The following PDSS2 variants were observed in gnomAD, a reference collection of about 807,000 sequenced individuals.
PDSS2 encodes all trans-polyprenyl-diphosphate synthase PDSS2.
In PDSS2, 31 loss-of-function variants were observed where a neutral mutation model predicts 44.5. That is an observed-to-expected ratio of 0.70 (90% CI 0.52 to 0.94). The LOEUF (loss-of-function observed/expected upper bound fraction) is 0.94, where lower values mean the gene tolerates loss of function less well. Among genes scored for constraint, PDSS2 ranks in the 40% least tolerant of loss-of-function variants. The pLI, the probability that PDSS2 is intolerant of heterozygous loss-of-function variation, is 0.00. For missense variants in PDSS2, 452 were observed against 482.2 expected (o/e 0.94, Z 0.59); for synonymous variants, 157 against 180.3 (o/e 0.87, Z 1.03).
At chr6:107,452,847 A>C (rs1375068294) in intron 1 of PDSS2, among the ~76,000 whole-genome samples, 1 of 151,722 alleles carries the variant, frequency 6.6e-6, no homozygotes, top group Non-Finnish European at 1.5e-5. Context: ...TTGTATTTCT[A>C]GTAGAGATGG....
chr6:107,413,164 AT>A (rs1175820356), intron 1 of PDSS2, among the ~76,000 whole-genome samples: 2 of 152,160 alleles, frequency 1.3e-5, no homozygotes, highest in Non-Finnish European at 2.9e-5. Context: ...TTTTTGTAGT[AT>A]TTTTTATTAG....
intron 6 of PDSS2, among the ~76,000 whole-genome samples, chr6:107,203,969 A>C (rs1772881222): frequency 6.7e-6 from 1 of 150,002 alleles, no homozygotes; most frequent in Non-Finnish European, 1.5e-5. Context: ...TTTGAGACAG[A>C]GTCTCACTCT....
At chr6:107,350,465 A>G (rs1187459969) in intron 1 of PDSS2, among the ~76,000 whole-genome samples, 1 of 152,236 alleles carries the variant, frequency 6.6e-6, no homozygotes, top group African/African-American at 2.4e-5. Context: ...TTCTTAAATG[A>G]ATAAATATAA....
intron 1 of PDSS2, among the ~76,000 whole-genome samples, chr6:107,416,874 A>C (rs1427670520): frequency 1.3e-5 from 2 of 152,094 alleles, no homozygotes; most frequent in Admixed American, 1.3e-4. Flanking sequence ...CTGTAGAGAA[A>C]ATAGAAGAAC....
intron 1 of PDSS2, among the ~76,000 whole-genome samples, chr6:107,442,318 G>A (rs541769193): frequency 6.6e-6 from 1 of 152,312 alleles, no homozygotes; most frequent in African/African-American, 2.4e-5. Flanking sequence ...TCGGGAGGCT[G>A]AGGCAGGAGA....
intron 1 of PDSS2, among the ~76,000 whole-genome samples, chr6:107,345,048 A>C (rs1018438528): frequency 6.6e-6 from 1 of 152,022 alleles, no homozygotes; most frequent in African/African-American, 2.4e-5. Flanking sequence ...AGGGGGTAGA[A>C]AAATTGAGTG....
At chr6:107,444,683 G>A (rs916419119) in intron 1 of PDSS2, among the ~76,000 whole-genome samples, 6 of 152,122 alleles carry the variant, frequency 3.9e-5, no homozygotes, top group Non-Finnish European at 8.8e-5. Flanking sequence ...CATAAACATG[G>A]AAGAGACTAA....
At chr6:107,170,618 CCA>C (rs201746363) in intron 7 of PDSS2, among the ~76,000 whole-genome samples, 37,631 of 108,016 alleles carry the variant, frequency 0.35, 6,147 homozygotes, top group Non-Finnish European at 0.41. Flanking sequence ...CCCCCCCCCC[CCA>C]CTTTTTTTTT....
chr6:107,385,291 G>T (rs977265724), intron 1 of PDSS2, among the ~76,000 whole-genome samples: 3 of 151,538 alleles, frequency 2.0e-5, no homozygotes, highest in Non-Finnish European at 4.4e-5. Context: ...TTGAGCCCAG[G>T]AGTTTGAATC....
chr6:107,376,186 C>G, intron 1 of PDSS2, among the ~76,000 whole-genome samples: 1 of 152,058 alleles, frequency 6.6e-6, no homozygotes. Context: ...AGTTTGAAGT[C>G]AGGTAGTGTG....
chr6:107,207,608 CTT>C (rs777686277), intron 6 of PDSS2, among the ~76,000 whole-genome samples: 39 of 110,376 alleles, frequency 3.5e-4, no homozygotes, highest in African/African-American at 9.0e-4. Context: ...AGTAAAGTGT[CTT>C]TTTTTTTTTT....
intron 1 of PDSS2, among the ~76,000 whole-genome samples, chr6:107,430,408 A>G (rs971582561): frequency 6.6e-6 from 1 of 151,996 alleles, no homozygotes; most frequent in Non-Finnish European, 1.5e-5. Flanking sequence ...GCTGAGGCAC[A>G]ATAATCACTC....
intron 1 of PDSS2, among the ~76,000 whole-genome samples, chr6:107,381,254 A>T (rs961953977): frequency 1.3e-5 from 2 of 152,224 alleles, no homozygotes; most frequent in Admixed American, 6.5e-5. Context: ...AAAGGAGCCA[A>T]ATCCAGCCCA....
At chr6:107,393,980 G>A (rs531299317) in intron 1 of PDSS2, among the ~76,000 whole-genome samples, 13 of 152,300 alleles carry the variant, frequency 8.5e-5, no homozygotes, top group African/African-American at 2.9e-4. Context: ...ACAGCCAAGA[G>A]TTTCTTGCTT....
chr6:107,355,182 G>C (rs1449123970), intron 1 of PDSS2, among the ~76,000 whole-genome samples: 1 of 152,160 alleles, frequency 6.6e-6, no homozygotes, highest in Non-Finnish European at 1.5e-5. Context: ...GCCTCCCAAA[G>C]TGCTGGGATT....
chr6:107,396,678 C>CTTTTTTTTT (rs950671310), intron 1 of PDSS2, among the ~76,000 whole-genome samples: 227 of 79,290 alleles, frequency 2.9e-3, no homozygotes, highest in African/African-American at 5.9e-3. Context: ...CTTCTTTTTT[C>CTTTTTTTTT]TTTTTTTTTT....
chr6:107,206,370 C>G (rs1370944535), intron 6 of PDSS2, among the ~76,000 whole-genome samples: 3 of 152,196 alleles, frequency 2.0e-5, no homozygotes, highest in Non-Finnish European at 2.9e-5. Context: ...CCATGCCCGG[C>G]CTGTTTCTAA....
At chr6:107,330,461 C>A (rs1157932398) in intron 2 of PDSS2, among the ~76,000 whole-genome samples, 1 of 152,118 alleles carries the variant, frequency 6.6e-6, no homozygotes, top group Admixed American at 6.6e-5. Flanking sequence ...CTGTGGTCTG[C>A]TTTTAACTAC....
At chr6:107,280,500 T>C (rs1775926185) in intron 2 of PDSS2, among the ~76,000 whole-genome samples, 1 of 152,228 alleles carries the variant, frequency 6.6e-6, no homozygotes, top group South Asian at 2.1e-4. Flanking sequence ...TTTCTTTCCA[T>C]TATATGTTAA....
Sources: allele counts gnomAD v4.1 joint callset (sites outside exome capture counted in the v4.1 genomes callset), GRCh38; gene constraint gnomAD v4.1.1; transcripts MANE v1.5; gene names NCBI Gene and HGNC (gene_info 2026-07-23, HGNC 2026-07-21).